The following ZNF276 variants were observed in gnomAD, a reference collection of about 807,000 sequenced individuals.
ZNF276 encodes zinc finger protein 276.
Under a neutral mutation model 63.9 loss-of-function variants are expected in ZNF276, and 59 were observed. The ratio of observed to expected loss-of-function variants is 0.92; its 90% confidence interval spans 0.75 to 1.15. ZNF276 has a LOEUF of 1.15. Among genes scored for constraint, ZNF276 ranks in the 50% most tolerant of loss-of-function variants. ZNF276 has a pLI of 0.00. For missense variants in ZNF276, 1,084 were observed against 843.8 expected, an observed-to-expected ratio of 1.28 and a Z score of -3.53; for synonymous variants, 496 against 348.4, an observed-to-expected ratio of 1.42 and a Z score of -4.72.
In ZNF276 at chr16:89,739,454, G is replaced by A; in HGVS notation, c.*1208G>A. 5 of 1,552,126 alleles carry A rather than the reference G, an allele frequency of 3.2e-6. No homozygotes were observed. Among genetic ancestry groups the A allele is most frequent in the Non-Finnish European group, 4.4e-6 (5 of 1,147,858 alleles). On this transcript the variant is annotated 3_prime_UTR_variant, in exon 11 of 11. Transcript: ENST00000443381. ...GGTCTGGGAAACACTGCCCAGCCCT[G>A]ACCAGCCCTGTGGGTGGAGGTACCT...
At chr16:89,727,061 G>A (rs2061492147) in intron 4 of ZNF276, among the ~76,000 whole-genome samples, 1 of 152,248 alleles carries the variant, frequency 6.6e-6, no homozygotes, top group African/African-American at 2.4e-5. Context: ...GGGTTCTGAT[G>A]CTTGTTGCTG....
chr16:89,721,580 G>T lies in ZNF276; in HGVS notation c.-61G>T. ...CGCGCCGAGCGGAGCCTAACGCCGG[G>T]TCCTCTAGGAACCTCGGGCCGGGCA... is the stretch of plus-strand genomic sequence containing the variant. On this transcript the variant is annotated 5_prime_UTR_variant, in exon 1 of 11. Transcript: ENST00000443381. The T allele has an allele frequency of 7.0e-7, 1 of 1,438,222 alleles. No homozygotes were observed. The highest frequency in any genetic ancestry group is 9.2e-7 in the Non-Finnish European group (1 of 1,092,282). 89.1% of individuals were successfully genotyped at this position (1,438,222 alleles called of 1,614,324 possible).
Position 89,739,425 on chromosome 16 carries a change from T to C in ZNF276, c.*1179T>C. 1 of 1,553,344 alleles carries C rather than the reference T, an allele frequency of 6.4e-7. No homozygotes were observed. The highest frequency in any genetic ancestry group is 1.2e-5 in the South Asian group (1 of 84,980). ...CTGGCGGGACCCAGAGGTGCTGAGA[T>C]GGGGGTCTGGGAAACACTGCCCAGC... On this transcript the variant is annotated 3_prime_UTR_variant, in exon 11 of 11. Transcript: ENST00000443381.
intron 4 of ZNF276, among the ~76,000 whole-genome samples, chr16:89,724,601 C>A (rs559101151): frequency 6.6e-6 from 1 of 152,170 alleles, no homozygotes; most frequent in Non-Finnish European, 1.5e-5. Context: ...GAGCCGACAT[C>A]GCACAACCGT....
At chr16:89,735,744 C>G (rs1367151759) in intron 9 of ZNF276, among the ~76,000 whole-genome samples, 1 of 152,128 alleles carries the variant, frequency 6.6e-6, no homozygotes, top group Non-Finnish European at 1.5e-5. Context: ...GAAACAGTCT[C>G]ACTCTTATCA....
chr16:89,727,897 C>G (rs570495398), intron 5 of ZNF276, among the ~76,000 whole-genome samples: 4 of 152,350 alleles, frequency 2.6e-5, no homozygotes, highest in African/African-American at 9.6e-5. Flanking sequence ...GAGGACGGGC[C>G]TCAGAAGGGA....
chr16:89,725,234 G>GA lies in ZNF276; in HGVS notation c.1006+1526dup, dbSNP rs200079004. On this transcript the variant is annotated intron_variant, in intron 4 of 10. Transcript: ENST00000443381. ...ACCTAATTTTTGTATTTTTAGTAGA[G>GA]ATGGGGTTTCACCATGTTGGCCAGG... Among the ~76,000 whole-genome samples, 382 of 148,412 alleles carry GA rather than the reference G, an allele frequency of 2.6e-3. 34 individuals are homozygous for GA. The highest frequency in any genetic ancestry group is 9.8e-3 in the African/African-American group (375 of 38,288).
At chr16:89,720,940 G>A (rs1199366485), upstream of ZNF276, 26 of 1,209,608 alleles carry the variant, frequency 2.1e-5, no homozygotes, top group Non-Finnish European at 2.6e-5. Context: ...GCCGGCGCTG[G>A]TGCTGGAGCC....
At chr16:89,732,612 G>A in intron 6 of ZNF276, 1 of 207,104 alleles carries the variant, frequency 4.8e-6, no homozygotes, top group Admixed American at 5.3e-5. Flanking sequence ...CACCCCTGCT[G>A]TACCCTGTGC....
At chr16:89,724,615 C>T (rs1256150200) in intron 4 of ZNF276, among the ~76,000 whole-genome samples, 2 of 152,190 alleles carry the variant, frequency 1.3e-5, no homozygotes, top group African/African-American at 4.8e-5. Flanking sequence ...CAACCGTACT[C>T]CAGCCTGGGT....
Position 89,723,062 on chromosome 16 carries a change from G to T in ZNF276, c.510-75G>T, listed in dbSNP as rs899126218. On this transcript the variant is annotated intron_variant, in intron 2 of 10. Coordinates refer to ENST00000443381, the MANE Select transcript of ZNF276 (RefSeq NM_001113525.2). ...GGGGACCGCTGAGGTTTGAGATCTC[G>T]AGAGGGTCCCGTACGACGAGCGCTG... 3.7e-6 allele frequency: 6 copies of T among 1,611,310 alleles called. No individual in the cohort carries two copies. The African/African-American group carries it at 8.0e-5, about 22-fold the overall frequency.
Position 89,738,550 on chromosome 16 carries a change from G to T in ZNF276, c.*304G>T, listed in dbSNP as rs1168504961. On this transcript the variant is annotated 3_prime_UTR_variant, in exon 11 of 11. Coordinates refer to ENST00000443381, the MANE Select transcript of ZNF276 (RefSeq NM_001113525.2). The stretch of plus-strand genomic sequence containing the variant: ...GCAACAAGAGCTCCATGTTATGCTT[G>T]TAATAAATTATTTACACGGGAGCTG... 1.2e-6 allele frequency: 2 copies of T among 1,611,410 alleles called. No homozygotes were observed. Among genetic ancestry groups the T allele is most frequent in the African/African-American group, 2.7e-5 (2 of 74,880 alleles).
At chr16:89,737,566 T>C in intron 9 of ZNF276, 1 of 623,122 alleles carries the variant, frequency 1.6e-6, no homozygotes, top group East Asian at 3.2e-5. Context: ...AATAGCTTTC[T>C]GAGGTTTCTT....
Position 89,734,107 on chromosome 16 carries a change from C to T in ZNF276, c.1474+69C>T. Reference sequence around the variant, plus strand: ...GCACGTGACCTGCTTTCCAGTCTTCCTCATACCCATCCCCGCCCCAAGAGT... The same window carrying T: ...GCACGTGACCTGCTTTCCAGTCTTCTTCATACCCATCCCCGCCCCAAGAGT... On this transcript the variant is annotated intron_variant, in intron 9 of 10. Coordinates refer to ENST00000443381, the MANE Select transcript of ZNF276 (RefSeq NM_001113525.2). 3 of 1,466,132 alleles carry T rather than the reference C, an allele frequency of 2.0e-6. No individual in the cohort carries two copies. In the South Asian group the frequency reaches 3.6e-5, roughly 17 times the overall value. 90.8% of individuals were successfully genotyped at this position (1,466,132 alleles called of 1,614,324 possible).
At chr16:89,720,596 C>G, upstream of ZNF276, 1 of 1,226,090 alleles carries the variant, frequency 8.2e-7, no homozygotes, top group South Asian at 3.2e-5. Context: ...ACTGCACGCC[C>G]GGCTGCGCCC....
chr16:89,726,990 C>A (rs944463053), intron 4 of ZNF276, among the ~76,000 whole-genome samples: 32 of 152,180 alleles, frequency 2.1e-4, no homozygotes, highest in Admixed American at 5.2e-4. Context: ...TCCAGGCTGT[C>A]CTAGAAGGAC....
chr16:89,726,006 T>C (rs2061458999), intron 4 of ZNF276, among the ~76,000 whole-genome samples: 1 of 152,234 alleles, frequency 6.6e-6, no homozygotes, highest in Admixed American at 6.5e-5. Flanking sequence ...CCACCAGGCC[T>C]GGCCGAGAGA....
rs1273625807 is a variant in ZNF276 at position 89,740,406 on chromosome 16, G to A, written c.*2160G>A. ...TGTAATCCCAACACTTTGGGAGGCC[G>A]AGGTCGGCGGATCACTGAGGCCAGT... On this transcript the variant is annotated 3_prime_UTR_variant, in exon 11 of 11. Coordinates refer to ENST00000443381, the MANE Select transcript of ZNF276 (RefSeq NM_001113525.2). 16 of 472,588 alleles carry A rather than the reference G, an allele frequency of 3.4e-5. No individual in the cohort carries two copies. The highest frequency in any genetic ancestry group is 1.2e-4 in the South Asian group (5 of 42,768). 29.3% of individuals were successfully genotyped at this position (472,588 alleles called of 1,614,324 possible). A position where few individuals can be genotyped will look rare whatever the true frequency, so the allele number is the denominator to read the frequency against.
In ZNF276 at chr16:89,739,432, C is replaced by A. The variant is rs1194505486; in HGVS notation, c.*1186C>A. 1.3e-6 allele frequency: 2 copies of A among 1,553,534 alleles called. No homozygotes were observed. Among genetic ancestry groups the A allele is most frequent in the Middle Eastern group, 2.1e-4 (1 of 4,870 alleles). ...GACCCAGAGGTGCTGAGATGGGGGTCTGGGAAACACTGCCCAGCCCTGACC... is the reference window on the plus strand; with the variant it reads ...GACCCAGAGGTGCTGAGATGGGGGTATGGGAAACACTGCCCAGCCCTGACC... On this transcript the variant is annotated 3_prime_UTR_variant, in exon 11 of 11. Coordinates refer to ENST00000443381, the MANE Select transcript of ZNF276 (RefSeq NM_001113525.2).
Sources: gnomAD v4.1 joint callset for allele counts (sites outside exome capture counted in the v4.1 genomes callset) on GRCh38, gnomAD v4.1.1 for gene constraint, MANE v1.5 for transcripts, NCBI Gene and HGNC (gene_info 2026-07-23, HGNC 2026-07-21) for gene names.